The following RIN2 variants were observed in gnomAD, a reference collection of about 807,000 sequenced individuals.
RIN2 encodes the protein RAB5 interacting protein 2.
RIN2 carries 36 observed loss-of-function variants against 78.0 expected under a neutral mutation model. That is an observed-to-expected ratio of 0.46 (90% confidence interval 0.35 to 0.61). The LOEUF (loss-of-function observed/expected upper bound fraction) is 0.61. RIN2 is among the 20% of genes least tolerant of loss of function. RIN2 has a pLI of 0.00. For synonymous variants in RIN2, 466 were observed against 466.8 expected, an observed-to-expected ratio of 1.00 and a Z score of 0.02; for missense variants, 1,087 against 1,159.7, an observed-to-expected ratio of 0.94 and a Z score of 0.91.
At chr20:19,845,696 T>C (rs1175850129) in intron 2 of RIN2, among the ~76,000 whole-genome samples, 1 of 152,162 alleles carries the variant, frequency 6.6e-6, no homozygotes, top group African/African-American at 2.4e-5. Flanking sequence ...ACTCTGATGA[T>C]AGTTTCTTTT....
At chr20:19,785,637 C>T (rs181210993) in intron 1 of RIN2, among the ~76,000 whole-genome samples, 2 of 152,196 alleles carry the variant, frequency 1.3e-5, no homozygotes, top group African/African-American at 2.4e-5. Context: ...CAGTGGGGAA[C>T]ATTGTGCAAG....
At chr20:19,990,345 T>C in intron 10 of RIN2, 34 bp downstream of exon 10, 1 of 1,578,802 alleles carries the variant, frequency 6.3e-7, no homozygotes, top group African/African-American at 1.3e-5. Flanking sequence ...TTCGTGCCGC[T>C]TCCCTTCCGG....
At chr20:19,902,500 G>T (rs1484471732) in intron 3 of RIN2, among the ~76,000 whole-genome samples, 1 of 152,192 alleles carries the variant, frequency 6.6e-6, no homozygotes, top group Non-Finnish European at 1.5e-5. Context: ...AGGTGGGGAT[G>T]ATTCTTCTCA....
In RIN2 at chr20:19,786,492, T is replaced by A. The variant is rs187550817; in HGVS notation, c.-162-13130T>A. On this transcript the variant is annotated intron_variant, in intron 1 of 12. Transcript: ENST00000255006. ...CTTCCCGTTCCCCACCCCCACACAC[T>A]CTGCCTTTTGTTCCAGTTCCAGTTA... Among the ~76,000 whole-genome samples, 481 of 152,272 alleles carry A rather than the reference T, an allele frequency of 3.2e-3. 1 individual carries two copies. The highest frequency in any genetic ancestry group is 0.017 in the Middle Eastern group (5 of 294).
At chr20:19,933,621 G>T (rs577767918) in intron 3 of RIN2, among the ~76,000 whole-genome samples, 1 of 152,090 alleles carries the variant, frequency 6.6e-6, no homozygotes, top group Non-Finnish European at 1.5e-5. Context: ...GCCCATAAAA[G>T]TTTGTCGAAA....
intron 3 of RIN2, chr20:19,934,727 A>T (rs567614544): frequency 2.9e-5 from 15 of 509,742 alleles, no homozygotes; most frequent in African/African-American, 2.1e-4. Context: ...TCCCTTGCCA[A>T]ATGAATATTG....
In RIN2 at chr20:19,876,584, G is replaced by A. The variant is rs537835147; in HGVS notation, c.-36-12982G>A. Among the ~76,000 whole-genome samples the A allele has an allele frequency of 3.3e-5, 5 of 152,018 alleles. No homozygotes were observed. The East Asian group carries it at 9.7e-4, about 29-fold the overall frequency. On this transcript the variant is annotated intron_variant, in intron 2 of 12. Transcript: ENST00000255006. The stretch of plus-strand genomic sequence containing the variant: ...TAACAGACAGGCGAAATGGGGATAT[G>A]TGAGTAAAAGCCCTTTATAAATCAA...
At chr20:19,821,838 A>G (rs933808736) in intron 2 of RIN2, among the ~76,000 whole-genome samples, 1 of 152,092 alleles carries the variant, frequency 6.6e-6, no homozygotes, top group African/African-American at 2.4e-5. Context: ...TCTTGTTGGT[A>G]GTGTCTGGGT....
chr20:19,850,913 G>A (rs1457039861), intron 2 of RIN2, among the ~76,000 whole-genome samples: 1 of 151,874 alleles, frequency 6.6e-6, no homozygotes, highest in African/African-American at 2.4e-5. Flanking sequence ...TGCAGAAATT[G>A]CAGTAAGCCA....
intron 6 of RIN2, among the ~76,000 whole-genome samples, chr20:19,963,004 C>A (rs1459408837): frequency 1.3e-5 from 2 of 152,168 alleles, no homozygotes; most frequent in Non-Finnish European, 2.9e-5. Context: ...ACAGACAGTG[C>A]AGCTTAATAA....
chr20:19,993,621 C>T (rs2042866582), intron 11 of RIN2, among the ~76,000 whole-genome samples: 1 of 152,090 alleles, frequency 6.6e-6, no homozygotes, highest in Non-Finnish European at 1.5e-5. Flanking sequence ...TTAGCCTCTT[C>T]TGTCCCCTTA....
intron 6 of RIN2, among the ~76,000 whole-genome samples, chr20:19,962,744 G>C (rs1217840190): frequency 6.6e-6 from 1 of 152,158 alleles, no homozygotes; most frequent in South Asian, 2.1e-4. Context: ...ATCACTTGAG[G>C]CTAGGGGTTC....
chr20:19,851,563 A>G (rs2036982036), intron 2 of RIN2, among the ~76,000 whole-genome samples: 1 of 152,122 alleles, frequency 6.6e-6, no homozygotes, highest in Admixed American at 6.5e-5. Context: ...CATCTCTACA[A>G]AAACAAAAAA....
chr20:19,854,600 C>T (rs2037104125), intron 2 of RIN2, among the ~76,000 whole-genome samples: 1 of 152,148 alleles, frequency 6.6e-6, no homozygotes, highest in Admixed American at 6.5e-5. Flanking sequence ...CTTCACATCC[C>T]TTATAAATTG....
At chr20:19,846,890 C>G (rs73277403) in intron 2 of RIN2, among the ~76,000 whole-genome samples, 2,968 of 152,224 alleles carry the variant, frequency 0.019, 89 homozygotes, top group African/African-American at 0.067. Context: ...CTTCTATGGG[C>G]AGGGGCACCA....
chr20:19,995,381 G>A (rs1396608595), intron 11 of RIN2, among the ~76,000 whole-genome samples: 2 of 151,782 alleles, frequency 1.3e-5, no homozygotes, highest in Admixed American at 1.3e-4. Flanking sequence ...GATTCAATGA[G>A]TATTTTGACA....
At chr20:19,854,389 T>TA (rs2037096431) in intron 2 of RIN2, among the ~76,000 whole-genome samples, 3 of 152,272 alleles carry the variant, frequency 2.0e-5, no homozygotes, top group African/African-American at 7.2e-5. Context: ...ATATGAACTT[T>TA]AAAGTAGTTT....
intron 1 of RIN2, among the ~76,000 whole-genome samples, chr20:19,785,728 G>A (rs1180087660): frequency 6.6e-6 from 1 of 152,190 alleles, no homozygotes; most frequent in Non-Finnish European, 1.5e-5. Flanking sequence ...TCCCAGGGAA[G>A]ATCAAGTTGA....
intron 1 of RIN2, among the ~76,000 whole-genome samples, chr20:19,776,345 C>G (rs2034308970): frequency 6.6e-6 from 1 of 152,170 alleles, no homozygotes; most frequent in Non-Finnish European, 1.5e-5. Flanking sequence ...TACCTGGAGG[C>G]TTTATTTGCA....
Sources: gnomAD v4.1 joint callset for allele counts (sites outside exome capture counted in the v4.1 genomes callset) on GRCh38, gnomAD v4.1.1 for gene constraint, MANE v1.5 for transcripts, NCBI Gene and HGNC (gene_info 2026-07-23, HGNC 2026-07-21) for gene names.